Variants in LIMD1 observed in about 807,000 individuals in gnomAD.
LIMD1 encodes the protein LIM domain-containing protein 1.
Under a neutral mutation model 58.4 loss-of-function variants are expected in LIMD1, and 23 were observed. That is an observed-to-expected ratio of 0.39 (90% CI 0.28 to 0.56). The LOEUF is 0.56. Ranked by LOEUF, LIMD1 falls within the 20% of genes least tolerant of loss-of-function variation. The pLI is 0.57. For synonymous variants in LIMD1, 334 were observed against 345.5 expected, an observed-to-expected ratio of 0.97 and a Z score of 0.37; for missense variants, 838 against 855.5, an observed-to-expected ratio of 0.98 and a Z score of 0.25.
chr3:45,659,718 G>A (rs1026619841), intron 2 of LIMD1, among the ~76,000 whole-genome samples: 5 of 151,984 alleles, frequency 3.3e-5, no homozygotes, highest in Admixed American at 3.3e-4. Context: ...TATGTACTCT[G>A]GTTTATATAA....
At chr3:45,661,578 T>C (rs115702970) in intron 2 of LIMD1, among the ~76,000 whole-genome samples, 3,240 of 152,350 alleles carry the variant, frequency 0.021, 50 homozygotes, top group Non-Finnish European at 0.035. Flanking sequence ...GGAGAAAATA[T>C]CTGAACTTTG....
At position 45,635,255 on chromosome 3, in the gene LIMD1, C is replaced by G. The variant is rs1017964311; in HGVS notation, c.1409-895C>G. 3.3e-5 allele frequency among the ~76,000 whole-genome samples: 5 copies of G among 152,012 alleles called. No individual in the cohort carries two copies. In the East Asian group the frequency reaches 7.7e-4, roughly 24 times the overall value. On this transcript the variant is annotated intron_variant, in intron 1 of 7. Coordinates refer to ENST00000273317, the MANE Select transcript of LIMD1 (RefSeq NM_014240.3). The stretch of plus-strand genomic sequence containing the variant: ...TCTGTCTCAAAAAAAAGTTCTCTCT[C>G]TCTCTCTCGATGGATGATCTCCCTA...
intron 1 of LIMD1, among the ~76,000 whole-genome samples, chr3:45,625,176 A>T (rs1186454500): frequency 2.0e-5 from 3 of 152,040 alleles, no homozygotes; most frequent in Non-Finnish European, 4.4e-5. Context: ...GATTTCTCTT[A>T]TGTGTGTTAT....
chr3:45,609,487 C>A (rs932892549), intron 1 of LIMD1, among the ~76,000 whole-genome samples: 1 of 152,204 alleles, frequency 6.6e-6, no homozygotes, highest in African/African-American at 2.4e-5. Flanking sequence ...GGGATACAGG[C>A]ATGTGCCACC....
Position 45,596,182 on chromosome 3 carries a change from G to A in LIMD1, c.1303G>A (p.Val435Ile), listed in dbSNP as rs760959010. 33 of 1,613,806 alleles carry A rather than the reference G, an allele frequency of 2.0e-5. No individual in the cohort carries two copies. The South Asian group carries it at 3.3e-4, about 16-fold the overall frequency. Residue 435 changes from valine (V) to isoleucine (I), a missense_variant, in exon 1 of 8, where the codon GTC (valine) becomes ATC (isoleucine). Transcript: ENST00000273317. ...GGTAAGGCTGCCCTGCCAGCCCCTCGTCCCAGGTCCTGAGCTGAGACCCTC... is the reference window on the plus strand; with the variant it reads ...GGTAAGGCTGCCCTGCCAGCCCCTCATCCCAGGTCCTGAGCTGAGACCCTC... ...PRVRLPCQPLVPGPELRPSAA... is the reference protein window; with the variant it reads ...PRVRLPCQPLIPGPELRPSAA...
At chr3:45,648,019 T>C (rs994977568) in intron 2 of LIMD1, among the ~76,000 whole-genome samples, 3 of 152,210 alleles carry the variant, frequency 2.0e-5, no homozygotes, top group East Asian at 3.8e-4. Flanking sequence ...ACCCTTCATT[T>C]GCCTGTCCTA....
chr3:45,635,760 A>AAAAAG, intron 1 of LIMD1: 2 of 236,732 alleles, frequency 8.4e-6, no homozygotes, highest in Non-Finnish European at 6.7e-6. Context: ...AAAAAAAAAA[A>AAAAAG]GGGAGGAAAA....
At chr3:45,653,907 C>CAAAAAAAAAAAAAAAAAAA (rs35185922) in intron 2 of LIMD1, among the ~76,000 whole-genome samples, 3 of 74,844 alleles carry the variant, frequency 4.0e-5, no homozygotes, top group Non-Finnish European at 5.0e-5. Context: ...AAGACTGTCT[C>CAAAAAAAAAAAAAAAAAAA]AAAAAAAAAA....
At chr3:45,656,092 C>T (rs1702024089) in intron 2 of LIMD1, among the ~76,000 whole-genome samples, 1 of 152,154 alleles carries the variant, frequency 6.6e-6, no homozygotes, top group African/African-American at 2.4e-5. Context: ...AGTTCCCTTT[C>T]CACCATGTGA....
intron 3 of LIMD1, among the ~76,000 whole-genome samples, chr3:45,666,152 C>G (rs1434583227): frequency 1.3e-5 from 2 of 152,196 alleles, no homozygotes; most frequent in Admixed American, 6.5e-5. Context: ...CCACTGGCCC[C>G]TGGGCTGTGT....
chr3:45,626,453 G>A (rs796561741), intron 1 of LIMD1, among the ~76,000 whole-genome samples: 2 of 152,292 alleles, frequency 1.3e-5, no homozygotes, highest in Non-Finnish European at 2.9e-5. Context: ...AACCATAAAT[G>A]CATGTTAGTA....
At chr3:45,632,387 T>G (rs1701743326) in intron 1 of LIMD1, 1 of 271,822 alleles carries the variant, frequency 3.7e-6, no homozygotes, top group Non-Finnish European at 5.6e-6. Context: ...CAGTTCCCAA[T>G]AGATGTCCAT....
intron 1 of LIMD1, chr3:45,635,805 T>C: frequency 1.5e-6 from 1 of 659,220 alleles, no homozygotes; most frequent in African/African-American, 2.1e-5. Flanking sequence ...TGGCATATTA[T>C]AGTGATGGTG....
chr3:45,643,327 A>T (rs532464996), intron 2 of LIMD1, among the ~76,000 whole-genome samples: 1 of 152,272 alleles, frequency 6.6e-6, no homozygotes, highest in South Asian at 2.1e-4. Context: ...TCTACTAAAA[A>T]TACAAAAATT....
chr3:45,673,128 C>T (rs1208572454), intron 5 of LIMD1, among the ~76,000 whole-genome samples: 1 of 152,100 alleles, frequency 6.6e-6, no homozygotes, highest in Non-Finnish European at 1.5e-5. Flanking sequence ...TCAGCGTTAC[C>T]TAACTTCACA....
chr3:45,606,471 G>A (rs533280898), intron 1 of LIMD1, among the ~76,000 whole-genome samples: 1 of 152,314 alleles, frequency 6.6e-6, no homozygotes, highest in South Asian at 2.1e-4. Context: ...GAGGAGTTGG[G>A]TCCCACTCTT....
intron 1 of LIMD1, among the ~76,000 whole-genome samples, chr3:45,602,086 G>A (rs1701419383): frequency 6.6e-6 from 1 of 152,064 alleles, no homozygotes; most frequent in African/African-American, 2.4e-5. Context: ...GGGACTGCAG[G>A]CGCCCGCCAC....
intron 2 of LIMD1, among the ~76,000 whole-genome samples, chr3:45,661,758 G>T (rs1226874908): frequency 1.3e-5 from 2 of 152,090 alleles, no homozygotes; most frequent in Non-Finnish European, 2.9e-5. Context: ...AGGGTTTTTT[G>T]TTGTTGTTTG....
At chr3:45,609,551 C>T (rs996037043) in intron 1 of LIMD1, among the ~76,000 whole-genome samples, 1 of 152,150 alleles carries the variant, frequency 6.6e-6, no homozygotes, top group African/African-American at 2.4e-5. Context: ...GCTCCAGATT[C>T]CTGAAGCTGG....
Sources: allele counts gnomAD v4.1 joint callset (sites outside exome capture counted in the v4.1 genomes callset), GRCh38; gene constraint gnomAD v4.1.1; transcripts MANE v1.5; gene names NCBI Gene and HGNC (gene_info 2026-07-23, HGNC 2026-07-21).